The following ZNF804A variants were observed in gnomAD, a reference collection of about 807,000 sequenced individuals.
ZNF804A encodes zinc finger protein 804A.
A neutral mutation model predicts 16.5 loss-of-function variants in ZNF804A; 2 were observed. The ratio of observed to expected loss-of-function variants is 0.12; its 90% CI spans 0.05 to 0.38. The LOEUF (loss-of-function observed/expected upper bound fraction) is 0.38. Among genes scored for constraint, ZNF804A ranks in the 10% least tolerant of loss-of-function variants. The pLI, the probability that ZNF804A is intolerant of heterozygous loss-of-function variation, is 0.99. For missense variants in ZNF804A, 1,473 were observed against 1,390.7 expected, an observed-to-expected ratio of 1.06 and a Z score of -0.94; for synonymous variants, 534 against 489.6, an observed-to-expected ratio of 1.09 and a Z score of -1.20.
At chr2:184,642,556 A>G (rs1418844633) in intron 1 of ZNF804A, among the ~76,000 whole-genome samples, 3 of 152,170 alleles carry the variant, frequency 2.0e-5, no homozygotes, top group Admixed American at 2.0e-4. Flanking sequence ...AGAACTATAG[A>G]AGTAAGATAG....
intron 1 of ZNF804A, among the ~76,000 whole-genome samples, chr2:184,663,335 G>A (rs1393383028): frequency 2.0e-5 from 3 of 152,132 alleles, no homozygotes; most frequent in African/African-American, 7.2e-5. Context: ...CTGCTTGGCT[G>A]GGTATGCACG....
chr2:184,738,406 T>C lies in ZNF804A; in HGVS notation c.112-127963T>C, dbSNP rs546582611. On this transcript the variant is annotated intron_variant, in intron 1 of 3. Transcript: ENST00000302277. ...GAATGAATCTTTTCCTGAGCTCCGC[T>C]TGTTATTTTGATGATCCTTTTGGAT... 6.6e-5 allele frequency among the ~76,000 whole-genome samples: 10 copies of C among 152,294 alleles called. No individual in the cohort carries two copies. In the East Asian group the frequency reaches 1.9e-3, roughly 29 times the overall value.
intron 2 of ZNF804A, among the ~76,000 whole-genome samples, chr2:184,928,240 T>C (rs888733437): frequency 6.6e-6 from 1 of 152,186 alleles, no homozygotes; most frequent in Non-Finnish European, 1.5e-5. Context: ...ACAGTAAGTT[T>C]CCTTCTAGCC....
At chr2:184,704,589 G>T (rs1243122948) in intron 1 of ZNF804A, among the ~76,000 whole-genome samples, 1 of 152,146 alleles carries the variant, frequency 6.6e-6, no homozygotes, top group African/African-American at 2.4e-5. Flanking sequence ...ATTAGTCAGA[G>T]TCCTAGGTTT....
At chr2:184,715,406 A>G (rs1693198102) in intron 1 of ZNF804A, among the ~76,000 whole-genome samples, 1 of 152,076 alleles carries the variant, frequency 6.6e-6, no homozygotes, top group African/African-American at 2.4e-5. Flanking sequence ...TTTTAAAGAG[A>G]CATGGTCTCA....
chr2:184,673,469 C>T (rs1201657366), intron 1 of ZNF804A, among the ~76,000 whole-genome samples: 1 of 152,152 alleles, frequency 6.6e-6, no homozygotes, highest in Non-Finnish European at 1.5e-5. Context: ...TTTGATGAAG[C>T]TTATTTAGAA....
At chr2:184,694,153 T>A (rs188812073) in intron 1 of ZNF804A, among the ~76,000 whole-genome samples, 1 of 152,018 alleles carries the variant, frequency 6.6e-6, no homozygotes, top group East Asian at 1.9e-4. Context: ...TTTACCATGT[T>A]GGTCAGGCTG....
intron 1 of ZNF804A, among the ~76,000 whole-genome samples, chr2:184,652,969 C>T (rs1692012595): frequency 6.6e-6 from 1 of 152,120 alleles, no homozygotes; most frequent in Non-Finnish European, 1.5e-5. Context: ...GCCTACTCAG[C>T]CCTTCAGAAC....
At position 184,936,143 on chromosome 2, in the gene ZNF804A, A is replaced by G; in HGVS notation, c.747A>G (p.Lys249=). 6.2e-7 allele frequency: 1 copy of G among 1,614,026 alleles called. No individual in the cohort carries two copies. Among genetic ancestry groups the G allele is most frequent in the Non-Finnish European group, 8.5e-7 (1 of 1,179,936 alleles). The part of the protein sequence containing the change: ...DASVGKGFSR[K]SRFVPSACHL... ...CAGTGGGAAAAGGATTTAGCAGAAAAAGTAGATTTGTCCCCAGTGCTTGTC... is the reference window on the plus strand; with the variant it reads ...CAGTGGGAAAAGGATTTAGCAGAAAGAGTAGATTTGTCCCCAGTGCTTGTC... The change falls in exon 4 of 4, where the codon AAA becomes AAG. Residue 249 remains lysine, a synonymous_variant. Coordinates refer to ENST00000302277, the MANE Select transcript of ZNF804A (RefSeq NM_194250.2).
chr2:184,845,043 T>C (rs1695492324), intron 1 of ZNF804A, among the ~76,000 whole-genome samples: 1 of 152,054 alleles, frequency 6.6e-6, no homozygotes. Context: ...ATATTTAATT[T>C]CTAATATTTT....
At chr2:184,925,722 A>G (rs1685599403) in intron 2 of ZNF804A, among the ~76,000 whole-genome samples, 2 of 151,434 alleles carry the variant, frequency 1.3e-5, no homozygotes, top group South Asian at 4.2e-4. Context: ...TATATTTTTA[A>G]ATTTGAGGTT....
intron 1 of ZNF804A, among the ~76,000 whole-genome samples, chr2:184,675,698 A>T (rs1692412384): frequency 6.6e-6 from 1 of 151,788 alleles, no homozygotes; most frequent in Non-Finnish European, 1.5e-5. Flanking sequence ...AGGCACGGAG[A>T]TATTTAATAA....
At chr2:184,757,830 G>A (rs893288113) in intron 1 of ZNF804A, among the ~76,000 whole-genome samples, 1 of 151,994 alleles carries the variant, frequency 6.6e-6, no homozygotes, top group African/African-American at 2.4e-5. Flanking sequence ...AATATCTAAT[G>A]TAAGCAGAAA....
intron 2 of ZNF804A, among the ~76,000 whole-genome samples, chr2:184,877,137 G>A (rs532705504): frequency 9.8e-4 from 149 of 151,954 alleles, no homozygotes; most frequent in African/African-American, 3.5e-3. Context: ...GACTTGGTTG[G>A]TGGTATCAGT....
chr2:184,710,531 T>C (rs1050204927), intron 1 of ZNF804A, among the ~76,000 whole-genome samples: 3 of 151,910 alleles, frequency 2.0e-5, no homozygotes, highest in East Asian at 3.9e-4. Flanking sequence ...CTTAACATGA[T>C]ATGTAGCCTC....
chr2:184,749,083 C>T lies in ZNF804A; in HGVS notation c.112-117286C>T, dbSNP rs115799773. The stretch of plus-strand genomic sequence containing the variant: ...TTGCTATTTGGGCTCCTTTTTGGTT[C>T]GATATGGATTTTAGAATAGTTTTTT... On this transcript the variant is annotated intron_variant, in intron 1 of 3. Transcript: ENST00000302277. Among the ~76,000 whole-genome samples, 239 of 151,098 alleles carry T rather than the reference C, an allele frequency of 1.6e-3. 1 individual carries two copies. The highest frequency in any genetic ancestry group is 3.4e-3 in the Middle Eastern group (1 of 294).
chr2:184,844,175 C>CA (rs544916289), intron 1 of ZNF804A, among the ~76,000 whole-genome samples: 2 of 113,004 alleles, frequency 1.8e-5, no homozygotes, highest in African/African-American at 3.8e-5. Flanking sequence ...CCTAATTATA[C>CA]CCCCCCCCAT....
chr2:184,701,963 T>C (rs2105731598), intron 1 of ZNF804A, among the ~76,000 whole-genome samples: 1 of 152,114 alleles, frequency 6.6e-6, no homozygotes, highest in African/African-American at 2.4e-5. Flanking sequence ...AAAAGAGTTC[T>C]TTAGAGTTTA....
At chr2:184,792,132 G>T (rs1694553864) in intron 1 of ZNF804A, among the ~76,000 whole-genome samples, 2 of 152,140 alleles carry the variant, frequency 1.3e-5, no homozygotes, top group African/African-American at 4.8e-5. Context: ...ACATTTGGGT[G>T]CAAGCTTTTG....
Sources: allele counts gnomAD v4.1 joint callset (sites outside exome capture counted in the v4.1 genomes callset), GRCh38; gene constraint gnomAD v4.1.1; transcripts MANE v1.5; gene names NCBI Gene and HGNC (gene_info 2026-07-23, HGNC 2026-07-21).